The following STOML3 variants were observed in gnomAD, a reference collection of about 807,000 sequenced individuals.
The protein encoded by STOML3 is stomatin like 3.
STOML3 carries 31 observed loss-of-function variants against 29.5 expected under a neutral mutation model. That is an observed-to-expected ratio of 1.05 (90% CI 0.79 to 1.42). STOML3 has a LOEUF of 1.42. Ranked by LOEUF, STOML3 falls within the 40% of genes most tolerant of loss-of-function variation. The pLI is 0.00. For synonymous variants in STOML3, 122 were observed against 139.8 expected (o/e 0.87, Z 0.90); for missense variants, 380 against 363.0 (o/e 1.05, Z -0.38).
At chr13:38,988,617 A>T (rs1301256845) in intron 1 of STOML3, among the ~76,000 whole-genome samples, 1 of 121,760 alleles carries the variant, frequency 8.2e-6, no homozygotes, top group Non-Finnish European at 1.7e-5. Context: ...CATATATTTT[A>T]TATATAATAT....
intron 1 of STOML3, among the ~76,000 whole-genome samples, chr13:38,979,360 A>C (rs1234666734): frequency 1.3e-5 from 2 of 152,208 alleles, no homozygotes; most frequent in Non-Finnish European, 2.9e-5. Flanking sequence ...AAAAAATTCA[A>C]GTAACACAAC....
chr13:38,986,580 T>C (rs951913089), intron 1 of STOML3, among the ~76,000 whole-genome samples: 3 of 152,160 alleles, frequency 2.0e-5, no homozygotes, highest in African/African-American at 4.8e-5. Context: ...AGCAAATTTC[T>C]GGTTCTCTCT....
intron 1 of STOML3, among the ~76,000 whole-genome samples, chr13:38,987,129 T>C (rs138920845): frequency 1.8e-4 from 27 of 152,260 alleles, no homozygotes; most frequent in African/African-American, 6.0e-4. Flanking sequence ...TTATACCATT[T>C]CCACTGTGTA....
chr13:38,968,439 C>T lies in STOML3; in HGVS notation c.612G>A (p.Met204Ile). ...VRIPVQLQRSMAAEAEATREA... is the reference protein window; with the variant it reads ...VRIPVQLQRSIAAEAEATREA... ...CCCGGGTGGCCTCAGCCTCGGCTGC[C>T]ATGGATCTCTGCAACTGCACGGGAA... Residue 204 changes from methionine to isoleucine, a missense_variant, in exon 6 of 7, where the codon ATG becomes ATA. Met to Ile is a conservative substitution (Grantham distance 10). Coordinates refer to ENST00000379631, the MANE Select transcript of STOML3 (RefSeq NM_145286.3). 2 of 1,614,158 alleles carry T rather than the reference C, an allele frequency of 1.2e-6. No individual in the cohort carries two copies. The highest frequency in any genetic ancestry group is 1.7e-6 in the Non-Finnish European group (2 of 1,180,018).
At chr13:38,968,610 T>G in intron 5 of STOML3, 76 bp from the exon 6 acceptor site, 4 of 1,530,926 alleles carry the variant, frequency 2.6e-6, no homozygotes, top group South Asian at 1.2e-5. Context: ...GTTTTATACT[T>G]TCAAGATACA....
chr13:38,990,755 T>C lies in STOML3; in HGVS notation c.-34A>G. 6.2e-7 allele frequency: 1 copy of C among 1,609,788 alleles called. No homozygotes were observed. Among genetic ancestry groups the C allele is most frequent in the Non-Finnish European group, 8.5e-7 (1 of 1,176,706 alleles). On this transcript the variant is annotated 5_prime_UTR_variant, in exon 1 of 7. Coordinates refer to ENST00000379631, the MANE Select transcript of STOML3 (RefSeq NM_145286.3). ...TGAGAAGCTTTTATACTTGGCAATT[T>C]TTCATGGGTTTGGAGCTAAGTGTGA...
rs1566204902 is a variant in STOML3, at chr13:38,973,132, A to AG, written c.230-539_230-538insC. Among the ~76,000 whole-genome samples, 41 of 124,172 alleles carry AG rather than the reference A, an allele frequency of 3.3e-4. No individual in the cohort carries two copies. The South Asian group carries it at 5.4e-3, about 16-fold the overall frequency. The allele number at this position is 124,172 out of a possible 152,430, so 81.5% of individuals were successfully genotyped here. A position where few individuals can be genotyped will look rare whatever the true frequency, so the allele number is the denominator to read the frequency against. On this transcript the variant is annotated intron_variant, in intron 3 of 6. Transcript: ENST00000379631. ...AAAAAAAAAAAAAAAAAAAAAAAAA[A>AG]TTATCTGGGCATGGTCACACATGCC...
chr13:38,972,080 A>C (rs1302461359), intron 4 of STOML3, among the ~76,000 whole-genome samples: 1 of 152,196 alleles, frequency 6.6e-6, no homozygotes, highest in Non-Finnish European at 1.5e-5. Flanking sequence ...ACTCATGTGG[A>C]TATTACAAAA....
intron 1 of STOML3, among the ~76,000 whole-genome samples, chr13:38,988,087 TATA>T (rs1233927847): frequency 9.0e-6 from 1 of 110,840 alleles, no homozygotes; most frequent in Non-Finnish European, 1.7e-5. Context: ...ATATTTTATA[TATA>T]ATATGTTATA....
intron 3 of STOML3, among the ~76,000 whole-genome samples, chr13:38,975,503 G>A (rs1193001579): frequency 1.3e-5 from 2 of 151,936 alleles, no homozygotes; most frequent in Non-Finnish European, 2.9e-5. Context: ...CCTTCCAGTC[G>A]CAGAGAGAAC....
intron 1 of STOML3, among the ~76,000 whole-genome samples, chr13:38,985,907 C>CTTTTTTTT (rs1868500200): frequency 1.6e-3 from 38 of 23,648 alleles, no homozygotes; most frequent in East Asian, 5.8e-3. Flanking sequence ...TTTTTCTTTT[C>CTTTTTTTT]TTTCTTTTTT....
chr13:38,966,008 G>T lies in STOML3; in HGVS notation c.*817C>A, dbSNP rs1441298592. 1 of 152,216 alleles carries T rather than the reference G, an allele frequency of 6.6e-6. No individual in the cohort carries two copies. Among genetic ancestry groups the T allele is most frequent in the African/African-American group, 2.4e-5 (1 of 41,454 alleles). The allele number at this position is 152,216 out of a possible 1,614,324, so 9.4% of individuals were successfully genotyped here. A position where few individuals can be genotyped will look rare whatever the true frequency, so the allele number is the denominator to read the frequency against. On this transcript the variant is annotated 3_prime_UTR_variant, in exon 7 of 7. Coordinates refer to ENST00000379631, the MANE Select transcript of STOML3 (RefSeq NM_145286.3). ...AGGTGGGGGAGGGGATGTGGATAGA[G>T]TTCACAAACATTCTCGATTACCTGT... is the stretch of plus-strand genomic sequence containing the variant.
chr13:38,975,328 A>AG (rs1424178138), intron 3 of STOML3, among the ~76,000 whole-genome samples: 1 of 150,402 alleles, frequency 6.6e-6, no homozygotes, highest in Non-Finnish European at 1.5e-5. Flanking sequence ...CTCAGAAAAA[A>AG]AAAAAGAAAA....
intron 4 of STOML3, among the ~76,000 whole-genome samples, chr13:38,971,038 C>CTTTT (rs754830596): frequency 4.7e-5 from 7 of 148,028 alleles, no homozygotes; most frequent in African/African-American, 1.7e-4. Context: ...TGAATTCTTT[C>CTTTT]TTTTTTTTTT....
chr13:38,975,757 C>T (rs905418550), intron 3 of STOML3, among the ~76,000 whole-genome samples: 2 of 152,066 alleles, frequency 1.3e-5, no homozygotes, highest in South Asian at 2.1e-4. Context: ...TATCTTACTT[C>T]GGGGAGTTTT....
At chr13:38,981,539 G>A in intron 1 of STOML3, among the ~76,000 whole-genome samples, 1 of 152,078 alleles carries the variant, frequency 6.6e-6, no homozygotes, top group East Asian at 1.9e-4. Flanking sequence ...TTGGTCAAGA[G>A]TATTTAAATA....
At chr13:38,985,902 C>CTTTTTTTTTTTTTTTTTTTTTTTTTTTTT (rs1371193997) in intron 1 of STOML3, among the ~76,000 whole-genome samples, 1 of 35,444 alleles carries the variant, frequency 2.8e-5, no homozygotes, top group Non-Finnish European at 5.7e-5. Flanking sequence ...TTTTTTTTTT[C>CTTTTTTTTTTTTTTTTTTTTTTTTTTTTT]TTTTCTTTCT....
intron 1 of STOML3, among the ~76,000 whole-genome samples, chr13:38,987,935 T>C (rs1409555903): frequency 1.3e-5 from 1 of 79,754 alleles, no homozygotes; most frequent in Non-Finnish European, 2.0e-5. Context: ...TAATATATTA[T>C]GTTATATATA....
In STOML3 at chr13:38,968,480, T is replaced by C; in HGVS notation, c.571A>G (p.Ile191Val). The change falls in exon 6 of 7, where the codon ATC becomes GTC. Residue 191 changes from isoleucine to valine, a missense_variant. Coordinates refer to ENST00000379631, the MANE Select transcript of STOML3 (RefSeq NM_145286.3). ...LWGIRVARVE[I>V]KDVRIPVQLQ... The stretch of plus-strand genomic sequence containing the variant: ...TGCACGGGAATCCGAACATCTTTGA[T>C]TTCCACTCGGGCCACCCGGATCCCC... 6.2e-7 allele frequency: 1 copy of C among 1,614,150 alleles called. No homozygotes were observed. Among genetic ancestry groups the C allele is most frequent in the Non-Finnish European group, 8.5e-7 (1 of 1,180,022 alleles).
Sources: gnomAD v4.1 joint callset for allele counts (sites outside exome capture counted in the v4.1 genomes callset) on GRCh38, gnomAD v4.1.1 for gene constraint, MANE v1.5 for transcripts, NCBI Gene and HGNC (gene_info 2026-07-23, HGNC 2026-07-21) for gene names.